The following OTUD7A variants were observed in gnomAD, a reference collection of about 807,000 sequenced individuals.
The protein encoded by OTUD7A is OTU deubiquitinase 7A.
A neutral mutation model predicts 65.7 loss-of-function variants in OTUD7A; 12 were observed. That is an observed-to-expected ratio of 0.18 (90% CI 0.12 to 0.30). OTUD7A has a LOEUF of 0.30. Among genes scored for constraint, OTUD7A ranks in the 10% least tolerant of loss-of-function variants. OTUD7A has a pLI of 1.00. For missense variants in OTUD7A, 1,148 were observed against 1,304.8 expected, an observed-to-expected ratio of 0.88 and a Z score of 1.85; for synonymous variants, 641 against 586.3, an observed-to-expected ratio of 1.09 and a Z score of -1.35.
chr15:31,732,367 C>A (rs933324319), intron 1 of OTUD7A, among the ~76,000 whole-genome samples: 1 of 152,156 alleles, frequency 6.6e-6, no homozygotes, highest in South Asian at 2.1e-4. Context: ...CTGATCTCCC[C>A]CAAGGGGAAG....
intron 1 of OTUD7A, among the ~76,000 whole-genome samples, chr15:31,737,342 A>G (rs1894219344): frequency 6.6e-6 from 1 of 152,208 alleles, no homozygotes; most frequent in African/African-American, 2.4e-5. Context: ...CCAGCAAAAG[A>G]CACGAACAAG....
chr15:31,637,394 GAA>G (rs1891374480), intron 3 of OTUD7A, among the ~76,000 whole-genome samples: 1 of 152,178 alleles, frequency 6.6e-6, no homozygotes, highest in Non-Finnish European at 1.5e-5. Context: ...TGCTCAGAAA[GAA>G]AGATTTCTTT....
chr15:31,630,496 A>C (rs925243694), intron 3 of OTUD7A, among the ~76,000 whole-genome samples: 1 of 152,112 alleles, frequency 6.6e-6, no homozygotes, highest in African/African-American at 2.4e-5. Context: ...TTTGCTGAGG[A>C]GTGCTTTACT....
chr15:31,653,925 C>T (rs1220045621), intron 3 of OTUD7A, among the ~76,000 whole-genome samples: 1 of 135,006 alleles, frequency 7.4e-6, no homozygotes, highest in Non-Finnish European at 1.6e-5. Flanking sequence ...CTTTACCACA[C>T]ATTTTATATC....
chr15:31,573,300 T>C (rs1341212446), intron 3 of OTUD7A, among the ~76,000 whole-genome samples: 1 of 152,162 alleles, frequency 6.6e-6, no homozygotes, highest in African/African-American at 2.4e-5. Flanking sequence ...AGACAAACCA[T>C]TTTAAACATG....
At chr15:31,814,265 T>G (rs1215505641) in intron 1 of OTUD7A, among the ~76,000 whole-genome samples, 3 of 152,208 alleles carry the variant, frequency 2.0e-5, no homozygotes, top group African/African-American at 7.2e-5. Context: ...TTACTCCAGC[T>G]GGAAATTACA....
chr15:31,834,127 C>CA lies in OTUD7A; in HGVS notation c.-100+36379dup, dbSNP rs746761312. ...GGCAGAGTCATAATTTGAATGGCCT[C>CA]AGGTGCCCTAAAACCAGCCAAAAGT... On this transcript the variant is annotated intron_variant, in intron 1 of 12. Transcript: ENST00000307050. Among the ~76,000 whole-genome samples the CA allele has an allele frequency of 2.6e-5, 4 of 152,356 alleles. No homozygotes were observed. The East Asian group carries it at 7.7e-4, about 29-fold the overall frequency.
chr15:31,602,013 T>A (rs913985850), intron 3 of OTUD7A, among the ~76,000 whole-genome samples: 1 of 152,190 alleles, frequency 6.6e-6, no homozygotes, highest in African/African-American at 2.4e-5. Context: ...ACAGCCGAAT[T>A]CTACCAAAGG....
rs984092794 is a variant in OTUD7A, at chr15:31,476,109, C to T, written c.*7185G>A. On this transcript the variant is annotated 3_prime_UTR_variant, in exon 13 of 13. Coordinates refer to ENST00000307050, the MANE Select transcript of OTUD7A (RefSeq NM_001382637.1). ...TAAGGAGCTTAGTCCCTCTGTGGAC[C>T]CAGCTAAGCCTGCTCCTTGCTCCTA... 6.6e-6 allele frequency: 1 copy of T among 152,198 alleles called. No individual in the cohort carries two copies. The highest frequency in any genetic ancestry group is 2.4e-5 in the African/African-American group (1 of 41,454). 9.4% of individuals were successfully genotyped at this position (152,198 alleles called of 1,614,324 possible).
intron 5 of OTUD7A, 106 bp from the exon 6 acceptor site, chr15:31,530,914 C>G: frequency 1.3e-6 from 1 of 741,826 alleles, no homozygotes. Context: ...CTACAGGTTT[C>G]AATAGAAAGG....
rs530871959 is a variant in OTUD7A at position 31,484,265 on chromosome 15, C to T, written c.1831G>A (p.Gly611Ser). 3 of 1,594,832 alleles carry T rather than the reference C, an allele frequency of 1.9e-6. No homozygotes were observed. The highest frequency in any genetic ancestry group is 4.5e-5 in the East Asian group (2 of 44,252). The change falls in exon 13 of 13, where the codon GGC becomes AGC. Residue 611 changes from glycine to serine, a missense_variant. Physicochemically the swap from Gly to Ser is moderately conservative, Grantham distance 56. Transcript: ENST00000307050. The surrounding 1 kb of genome is among the most constrained non-coding windows in gnomAD (Gnocchi z 4.5). Reference sequence around the variant, plus strand: ...CAGGCGTCGCCCCGCGGCCCACCGCCCTTCTCCGCCGGCGACGCGCCCGCT... The same window carrying T: ...CAGGCGTCGCCCCGCGGCCCACCGCTCTTCTCCGCCGGCGACGCGCCCGCT... ...KAAGASPAEK[G>S]GGPRGDAWKY...
intron 1 of OTUD7A, among the ~76,000 whole-genome samples, chr15:31,688,611 A>G (rs1892895182): frequency 6.6e-6 from 1 of 152,228 alleles, no homozygotes; most frequent in Non-Finnish European, 1.5e-5. Flanking sequence ...ATATCACTTT[A>G]TCGATATTAT....
intron 3 of OTUD7A, among the ~76,000 whole-genome samples, chr15:31,634,467 G>T (rs749825198): frequency 9.9e-5 from 15 of 152,112 alleles, no homozygotes; most frequent in South Asian, 2.1e-4. Context: ...ACATGTCCCT[G>T]CCAGCAAGCC....
At chr15:31,538,694 A>T (rs1288440101) in intron 5 of OTUD7A, among the ~76,000 whole-genome samples, 3 of 152,318 alleles carry the variant, frequency 2.0e-5, no homozygotes, top group Non-Finnish European at 2.9e-5. Flanking sequence ...GCAAAACTGG[A>T]GCTCAAATTT....
chr15:31,514,461 T>G (rs1388012104), intron 8 of OTUD7A, among the ~76,000 whole-genome samples: 1 of 152,170 alleles, frequency 6.6e-6, no homozygotes, highest in African/African-American at 2.4e-5. Flanking sequence ...TTTCTCTCCC[T>G]CTCCATGTTT....
At chr15:31,493,308 G>A (rs746965031) in intron 10 of OTUD7A, among the ~76,000 whole-genome samples, 1 of 152,188 alleles carries the variant, frequency 6.6e-6, no homozygotes, top group Non-Finnish European at 1.5e-5. Context: ...ATTACATAAT[G>A]CTAAAGGGGT....
chr15:31,592,904 A>AAAAT lies in OTUD7A; in HGVS notation c.152-22708_152-22707insATTT, dbSNP rs1416029921. On this transcript the variant is annotated intron_variant, in intron 3 of 12. Transcript: ENST00000307050. ...CAAAAAAAAAAAAAAAAAAAAAAAA[A>AAAAT]ATATATATATATATATATATATATA... Among the ~76,000 whole-genome samples, 68 of 59,376 alleles carry AAAAT rather than the reference A, an allele frequency of 1.1e-3. 1 individual carries two copies. The highest frequency in any genetic ancestry group is 1.7e-3 in the Non-Finnish European group (63 of 36,792). The allele number at this position is 59,376 out of a possible 152,430, so 39.0% of individuals were successfully genotyped here.
In OTUD7A at chr15:31,753,614, T is replaced by C. The variant is rs531067077; in HGVS notation, c.-99-96537A>G. Among the ~76,000 whole-genome samples the C allele has an allele frequency of 6.1e-3, 918 of 149,706 alleles. 11 individuals are homozygous for C. The highest frequency in any genetic ancestry group is 0.02 in the African/African-American group (817 of 40,798). ...TGGTCTCCAATCTCATCCAGGTTGC[T>C]GCAAATGCCATTAATTCATTCCTTT... On this transcript the variant is annotated intron_variant, in intron 1 of 12. Transcript: ENST00000307050.
chr15:31,655,224 T>G lies in OTUD7A; in HGVS notation c.23A>C (p.Asn8Thr), dbSNP rs560227195. 3 of 1,475,248 alleles carry G rather than the reference T, an allele frequency of 2.0e-6. No homozygotes were observed. The highest frequency in any genetic ancestry group is 1.2e-5 in the South Asian group (1 of 81,780). The allele number at this position is 1,475,248 out of a possible 1,614,324, so 91.4% of individuals were successfully genotyped here. MVSSVLP[N>T]PTSAECWAAL... is the part of the protein sequence containing the mutation. ...TGCCCAACACTCAGCCGAGGTGGGG[T>G]TTGGAAGCACACTAGAAACCATCCA... Residue 8 changes from asparagine to threonine, a missense_variant, in exon 3 of 13, where the codon AAC (asparagine) becomes ACC (threonine). By Grantham distance (65) the Asn-to-Thr change is moderately conservative. This residue lies in a region of OTUD7A where 38 missense variants were observed against 85.7 expected (regional missense o/e 0.44). Coordinates refer to ENST00000307050, the MANE Select transcript of OTUD7A (RefSeq NM_001382637.1).
Sources: gnomAD v4.1 joint callset for allele counts (sites outside exome capture counted in the v4.1 genomes callset) on GRCh38, gnomAD v4.1.1 for gene constraint, gnomAD v4.1.1 regional missense constraint, Gnocchi (gnomAD v3.1) non-coding constraint, MANE v1.5 for transcripts, NCBI Gene and HGNC (gene_info 2026-07-23, HGNC 2026-07-21) for gene names.